Variants in DNAH8 observed in about 807,000 individuals in gnomAD.
DNAH8 encodes the protein axonemal beta dynein heavy chain 8.
DNAH8 carries 382 observed loss-of-function variants against 562.1 expected under a neutral mutation model. The ratio of observed to expected loss-of-function variants is 0.68; its 90% CI spans 0.63 to 0.74. The LOEUF (loss-of-function observed/expected upper bound fraction) is 0.74, where lower values mean the gene tolerates loss of function less well. DNAH8 is among the 30% of genes least tolerant of loss of function. DNAH8 has a pLI of 0.00. For synonymous variants in DNAH8, 1,881 were observed against 1,919.4 expected (o/e 0.98, Z 0.52); for missense variants, 5,203 against 5,620.4 (o/e 0.93, Z 2.37).
intron 80 of DNAH8, among the ~76,000 whole-genome samples, chr6:38,949,235 A>G (rs1761688681): frequency 6.6e-6 from 1 of 152,218 alleles, no homozygotes; most frequent in Non-Finnish European, 1.5e-5. Context: ...TCCTAATTGT[A>G]GCGAATAATG....
At chr6:38,821,138 A>C (rs2150333164) in intron 26 of DNAH8, among the ~76,000 whole-genome samples, 1 of 152,374 alleles carries the variant, frequency 6.6e-6, no homozygotes, top group African/African-American at 2.4e-5. Context: ...AGAACTAATA[A>C]ATGAATTCAG....
intron 33 of DNAH8, among the ~76,000 whole-genome samples, chr6:38,840,885 GC>G (rs1774723861): frequency 1.3e-5 from 2 of 152,212 alleles, no homozygotes; most frequent in Admixed American, 1.3e-4. Flanking sequence ...ACAGTAAGAA[GC>G]CTGGAGGATG....
In DNAH8 at chr6:38,894,685, A is replaced by AT. The variant is rs1244479457; in HGVS notation, c.8584-10dup. The AT allele has an allele frequency of 4.4e-6, 7 of 1,606,456 alleles. No homozygotes were observed. The highest frequency in any genetic ancestry group is 2.2e-5 in the South Asian group (2 of 90,610). ...TCTGAAAACTAACTGAGAGTATTAC[A>AT]TTTTTTCATCTCTAGGTGAAGATGC... On this transcript the variant is annotated splice_polypyrimidine_tract_variant and intron_variant, in intron 58 of 92. Transcript: ENST00000327475.
rs2150594808 is a variant in DNAH8, at chr6:38,938,789, G to T, written c.11817-9G>T. On this transcript the variant is annotated splice_polypyrimidine_tract_variant and intron_variant, in intron 78 of 92. Transcript: ENST00000327475. ...CCTTTGCTTCTTTGATTCTTAAAAT[G>T]TGTTTCAGATCTGAAAAGTCACCAC... The T allele has an allele frequency of 6.3e-7, 1 of 1,576,754 alleles. No individual in the cohort carries two copies. Among genetic ancestry groups the T allele is most frequent in the Non-Finnish European group, 8.6e-7 (1 of 1,159,384 alleles).
At chr6:38,899,672 AT>A (rs1779942533) in intron 61 of DNAH8, 103 bp from the exon 62 acceptor site, 1 of 1,273,894 alleles carries the variant, frequency 7.8e-7, no homozygotes, top group Non-Finnish European at 1.1e-6. Flanking sequence ...AAAAAGTCTA[AT>A]ATCATCTAGA....
At chr6:38,876,452 GT>G (rs1778005716) in intron 53 of DNAH8, among the ~76,000 whole-genome samples, 1 of 152,178 alleles carries the variant, frequency 6.6e-6, no homozygotes. Flanking sequence ...AACAGCAATA[GT>G]CTTTTGTTTG....
intron 26 of DNAH8, among the ~76,000 whole-genome samples, chr6:38,819,105 T>C (rs1772582056): frequency 6.6e-6 from 1 of 152,206 alleles, no homozygotes; most frequent in African/African-American, 2.4e-5. Context: ...TTTTGTAAAC[T>C]TGTAGAAAAG....
rs1164221834 is a variant in DNAH8, at chr6:38,834,559, G to T, written c.4303-20G>T. ...ACATATGATTAAGAATGAAAATGGA[G>T]ATTATATTCTTCCTTACAGGAAGGA... On this transcript the variant is annotated intron_variant, in intron 31 of 92. Coordinates refer to ENST00000327475, the MANE Select transcript of DNAH8 (RefSeq NM_001206927.2). The T allele has an allele frequency of 1.3e-6, 2 of 1,514,530 alleles. No individual in the cohort carries two copies. The highest frequency in any genetic ancestry group is 1.8e-6 in the Non-Finnish European group (2 of 1,113,034). The allele number at this position is 1,514,530 out of a possible 1,614,324, so 93.8% of individuals were successfully genotyped here. A position where few individuals can be genotyped will look rare whatever the true frequency, so the allele number is the denominator to read the frequency against.
Position 38,908,125 on chromosome 6 carries a change from G to A in DNAH8, c.9513+5G>A. On this transcript the variant is annotated splice_donor_5th_base_variant and intron_variant, in intron 64 of 92. Coordinates refer to ENST00000327475, the MANE Select transcript of DNAH8 (RefSeq NM_001206927.2). ...GTTGTTCTCTGCTTTTCTCCAGTAAGTTTTTATTTTTATTTATATCTACGT... is the reference window on the plus strand; with the variant it reads ...GTTGTTCTCTGCTTTTCTCCAGTAAATTTTTATTTTTATTTATATCTACGT... 6.5e-7 allele frequency: 1 copy of A among 1,528,020 alleles called. No homozygotes were observed. The highest frequency in any genetic ancestry group is 8.8e-7 in the Non-Finnish European group (1 of 1,135,946). 94.7% of individuals were successfully genotyped at this position (1,528,020 alleles called of 1,614,324 possible). A position where few individuals can be genotyped will look rare whatever the true frequency, so the allele number is the denominator to read the frequency against.
intron 88 of DNAH8, among the ~76,000 whole-genome samples, chr6:38,999,786 A>G (rs1765359965): frequency 6.6e-6 from 1 of 151,320 alleles, no homozygotes; most frequent in African/African-American, 2.4e-5. Flanking sequence ...AAAGATAGAT[A>G]TTTCTAATAT....
chr6:38,879,678 A>G (rs890807208), intron 53 of DNAH8, among the ~76,000 whole-genome samples: 1 of 152,186 alleles, frequency 6.6e-6, no homozygotes, highest in South Asian at 2.1e-4. Context: ...CCTCTATTCA[A>G]TTTCATTTCT....
intron 81 of DNAH8, among the ~76,000 whole-genome samples, chr6:38,950,688 C>G (rs1390025505): frequency 6.6e-6 from 1 of 152,144 alleles, no homozygotes; most frequent in East Asian, 1.9e-4. Context: ...ATCTGCCAGC[C>G]TTGGCCTTCC....
At chr6:38,905,651 A>G (rs1311983161) in intron 62 of DNAH8, among the ~76,000 whole-genome samples, 1 of 152,188 alleles carries the variant, frequency 6.6e-6, no homozygotes, top group African/African-American at 2.4e-5. Flanking sequence ...GCAGGGACTA[A>G]AAGTTCATTT....
In DNAH8 at chr6:38,782,485, T is replaced by C. The variant is rs1252042279; in HGVS notation, c.2260-519T>C. On this transcript the variant is annotated intron_variant, in intron 16 of 92. Transcript: ENST00000327475. ...TTTAGAGAGACAGCGTTTCACTATG[T>C]TGGCGAGGCAGGTCTCCAACTCCTG... 2.6e-5 allele frequency among the ~76,000 whole-genome samples: 4 copies of C among 152,276 alleles called. No homozygotes were observed. In the East Asian group the frequency reaches 7.7e-4, roughly 29 times the overall value.
In DNAH8 at chr6:38,868,030, A is replaced by G. The variant is rs754426460; in HGVS notation, c.6694-32A>G. On this transcript the variant is annotated intron_variant, in intron 47 of 92. Coordinates refer to ENST00000327475, the MANE Select transcript of DNAH8 (RefSeq NM_001206927.2). ...GAGTCTATGTTTAGTTTTTCAATTA[A>G]ACCATCTTTTTGCCCTCTTCTCCCA... 3 of 1,596,076 alleles carry G rather than the reference A, an allele frequency of 1.9e-6. No individual in the cohort carries two copies. The Admixed American group carries it at 5.3e-5, about 28-fold the overall frequency.
At chr6:38,866,561 A>G (rs1777045335) in intron 45 of DNAH8, 30 bp from the exon 46 acceptor site, 1 of 1,474,818 alleles carries the variant, frequency 6.8e-7, no homozygotes. Flanking sequence ...TGTTTTAGCA[A>G]TTAAAAATTA....
chr6:38,938,914 T>C lies in DNAH8; in HGVS notation c.11933T>C (p.Val3978Ala). The C allele has an allele frequency of 6.2e-7, 1 of 1,614,008 alleles. No homozygotes were observed. Among genetic ancestry groups the C allele is most frequent in the Non-Finnish European group, 8.5e-7 (1 of 1,179,918 alleles). ...TACGAAAACCACAAATTCCTGTTTG[T>C]ACTCCTCATGACCTTAAAGATTGAC... ...GLYENHKFLFVLLMTLKIDLQ... is the reference protein window; with the variant it reads ...GLYENHKFLFALLMTLKIDLQ... The change falls in exon 79 of 93, where the codon GTA becomes GCA. Residue 3978 changes from valine to alanine, a missense_variant. Coordinates refer to ENST00000327475, the MANE Select transcript of DNAH8 (RefSeq NM_001206927.2).
At chr6:38,720,637 A>C (rs1282799414) in intron 1 of DNAH8, among the ~76,000 whole-genome samples, 4 of 152,228 alleles carry the variant, frequency 2.6e-5, no homozygotes, top group Non-Finnish European at 5.9e-5. Flanking sequence ...AACCAGCCAG[A>C]CAGAGAAGAC....
In DNAH8 at chr6:38,883,394, C is replaced by T. The variant is rs760373475; in HGVS notation, c.8074C>T (p.Pro2692Ser). The stretch of plus-strand genomic sequence containing the variant: ...TAAGGCCTATTTGAAAAAATATGAT[C>T]CTGAAGTACAGCTATCCAAAAGTCT... ...MVKAYLKKYD[P>S]EVQLSKSLNF... Residue 2692 changes from proline (P) to serine (S), a missense_variant, in exon 55 of 93, where the codon CCT (proline) becomes TCT (serine). Pro to Ser is a moderately conservative substitution (Grantham distance 74). Around this residue, in one of 6 missense-constraint regions of DNAH8, gnomAD observed 977 missense variants for 1,061.8 expected, o/e 0.92. Transcript: ENST00000327475. 1.9e-6 allele frequency: 3 copies of T among 1,613,150 alleles called. No homozygotes were observed. Among genetic ancestry groups the T allele is most frequent in the Non-Finnish European group, 2.5e-6 (3 of 1,179,480 alleles).
Sources: gnomAD v4.1 joint callset for allele counts (sites outside exome capture counted in the v4.1 genomes callset) on GRCh38, gnomAD v4.1.1 for gene constraint, gnomAD v4.1.1 regional missense constraint, MANE v1.5 for transcripts, NCBI Gene and HGNC (gene_info 2026-07-23, HGNC 2026-07-21) for gene names.